The following STEAP1B variants were observed in gnomAD, a reference collection of about 807,000 sequenced individuals.
STEAP1B encodes the protein STEAP family protein MGC87042.
A neutral mutation model predicts 27.9 loss-of-function variants in STEAP1B; 13 were observed. The observed-to-expected ratio is 0.47, with a 90% CI of 0.30 to 0.74. The LOEUF (loss-of-function observed/expected upper bound fraction) is 0.74. Among genes scored for constraint, STEAP1B ranks in the 30% least tolerant of loss-of-function variants. The probability of loss-of-function intolerance (pLI) is 0.06; values close to 1 mark genes in which losing one functional copy is unlikely to be tolerated. For missense variants in STEAP1B, 250 were observed against 298.7 expected (o/e 0.84, Z 1.20); for synonymous variants, 86 against 107.1 (o/e 0.80, Z 1.22).
At chr7:22,464,082 T>C (rs1465577202) in intron 4 of STEAP1B, among the ~76,000 whole-genome samples, 9 of 152,332 alleles carry the variant, frequency 5.9e-5, no homozygotes, top group Admixed American at 5.9e-4. Context: ...ATATCCAGAA[T>C]CTACAATGAT....
chr7:22,423,929 T>C (rs1785075010), intron 4 of STEAP1B, among the ~76,000 whole-genome samples: 1 of 152,070 alleles, frequency 6.6e-6, no homozygotes, highest in Non-Finnish European at 1.5e-5. Flanking sequence ...AATAGGAGAC[T>C]GAGGTGGGAA....
chr7:22,472,315 C>T (rs904225952), intron 4 of STEAP1B, among the ~76,000 whole-genome samples: 3 of 152,292 alleles, frequency 2.0e-5, no homozygotes, highest in African/African-American at 4.8e-5. Flanking sequence ...ACCAGCCTCC[C>T]GAGTCTGCAC....
intron 1 of STEAP1B, among the ~76,000 whole-genome samples, chr7:22,495,150 G>A (rs1040439964): frequency 6.6e-6 from 1 of 152,170 alleles, no homozygotes; most frequent in Non-Finnish European, 1.5e-5. Context: ...GGATTACAAA[G>A]GGTCACATGT....
At chr7:22,444,095 G>T (rs1245659826) in intron 4 of STEAP1B, among the ~76,000 whole-genome samples, 2 of 152,222 alleles carry the variant, frequency 1.3e-5, no homozygotes, top group East Asian at 3.8e-4. Flanking sequence ...GTCACGCTCA[G>T]GGCTTTAGTT....
chr7:22,469,533 T>C (rs1307736715), intron 4 of STEAP1B, among the ~76,000 whole-genome samples: 1 of 152,358 alleles, frequency 6.6e-6, no homozygotes, highest in African/African-American at 2.4e-5. Context: ...GCTCTATTTA[T>C]GGAAAGTTTA....
At chr7:22,437,708 T>C (rs139118077) in intron 4 of STEAP1B, among the ~76,000 whole-genome samples, 286 of 152,368 alleles carry the variant, frequency 1.9e-3, no homozygotes, top group African/African-American at 6.6e-3. Flanking sequence ...TGTATTAATT[T>C]ACATTTCCAT....
At chr7:22,420,127 T>G (rs1583624318) in intron 4 of STEAP1B, among the ~76,000 whole-genome samples, 1 of 152,154 alleles carries the variant, frequency 6.6e-6, no homozygotes, top group East Asian at 1.9e-4. Context: ...AAACTTAAAT[T>G]GTCTTCATAA....
chr7:22,461,597 C>A (rs192407649), intron 4 of STEAP1B, among the ~76,000 whole-genome samples: 5 of 152,308 alleles, frequency 3.3e-5, no homozygotes, highest in African/African-American at 1.2e-4. Context: ...TCTGCTCCAG[C>A]GTTTGACTGA....
intron 4 of STEAP1B, among the ~76,000 whole-genome samples, chr7:22,458,681 A>T (rs989637089): frequency 1.4e-4 from 21 of 152,208 alleles, no homozygotes; most frequent in African/African-American, 5.1e-4. Flanking sequence ...TGGAAGCCCC[A>T]AGAAGCTTGG....
At chr7:22,445,635 T>C (rs761387106) in intron 4 of STEAP1B, among the ~76,000 whole-genome samples, 1 of 152,266 alleles carries the variant, frequency 6.6e-6, no homozygotes, top group Admixed American at 6.5e-5. Context: ...AATGGGGATT[T>C]GGTCGACCTT....
At chr7:22,459,782 C>T (rs976029201) in intron 4 of STEAP1B, among the ~76,000 whole-genome samples, 5 of 152,294 alleles carry the variant, frequency 3.3e-5, no homozygotes, top group South Asian at 2.1e-4. Flanking sequence ...TTATGGGTCC[C>T]GTCCTCAGGA....
intron 4 of STEAP1B, among the ~76,000 whole-genome samples, chr7:22,479,614 G>C (rs376588375): frequency 2.7e-5 from 4 of 150,578 alleles, no homozygotes; most frequent in African/African-American, 9.8e-5. Context: ...CTGAGGCTCT[G>C]AGGCATCAAC....
At chr7:22,460,991 G>A (rs1332181482) in intron 4 of STEAP1B, among the ~76,000 whole-genome samples, 1 of 152,168 alleles carries the variant, frequency 6.6e-6, no homozygotes, top group Non-Finnish European at 1.5e-5. Flanking sequence ...GAGCTGAGAG[G>A]CAATACATTG....
chr7:22,467,823 C>G (rs898771696), intron 4 of STEAP1B, among the ~76,000 whole-genome samples: 1 of 152,150 alleles, frequency 6.6e-6, no homozygotes, highest in Non-Finnish European at 1.5e-5. Context: ...TGAAAATGGA[C>G]TAATACAAAT....
intron 4 of STEAP1B, among the ~76,000 whole-genome samples, chr7:22,473,980 C>T (rs1266926406): frequency 6.6e-6 from 1 of 152,190 alleles, no homozygotes; most frequent in African/African-American, 2.4e-5. Flanking sequence ...AGTGTATTAA[C>T]CTATTGGTCA....
intron 4 of STEAP1B, among the ~76,000 whole-genome samples, chr7:22,451,844 G>C (rs1785496035): frequency 2.0e-5 from 3 of 152,104 alleles, no homozygotes; most frequent in Admixed American, 2.0e-4. Flanking sequence ...GTAGTGTTTT[G>C]TGGTTTTTTA....
At chr7:22,419,945 G>A (rs903603046) in intron 4 of STEAP1B, 109 bp from the exon 5 acceptor site, 12 of 1,315,862 alleles carry the variant, frequency 9.1e-6, no homozygotes, top group Non-Finnish European at 1.2e-5. Flanking sequence ...AAGTATACAC[G>A]CTTTTCTAAA....
chr7:22,437,938 AT>A (rs1281058815), intron 4 of STEAP1B, among the ~76,000 whole-genome samples: 1 of 152,006 alleles, frequency 6.6e-6, no homozygotes, highest in African/African-American at 2.4e-5. Context: ...TTCTTTGCTC[AT>A]TTTTTAATCA....
At chr7:22,426,843 TAAG>T (rs927909888) in intron 4 of STEAP1B, among the ~76,000 whole-genome samples, 18 of 152,188 alleles carry the variant, frequency 1.2e-4, no homozygotes, top group African/African-American at 4.3e-4. Context: ...TGATGCATGC[TAAG>T]AAGAAACATT....
Sources: allele counts gnomAD v4.1 joint callset (sites outside exome capture counted in the v4.1 genomes callset), GRCh38; gene constraint gnomAD v4.1.1; transcripts MANE v1.5; gene names NCBI Gene and HGNC (gene_info 2026-07-23, HGNC 2026-07-21).